Variants in SLC38A6 observed in about 807,000 individuals in gnomAD.
The protein encoded by SLC38A6 is solute carrier family 38 member 6, also known as N system amino acid transporter NAT-1.
Under a neutral mutation model 65.0 loss-of-function variants are expected in SLC38A6, and 73 were observed. That is an observed-to-expected ratio of 1.12 (90% CI 0.93 to 1.37). The LOEUF is 1.37. Among genes scored for constraint, SLC38A6 ranks in the 40% most tolerant of loss-of-function variants. The pLI is 0.00. For missense variants in SLC38A6, 561 were observed against 531.1 expected (o/e 1.06, Z -0.55); for synonymous variants, 183 against 178.8 (o/e 1.02, Z -0.19).
At chr14:61,047,245 G>A (rs2042208881) in intron 12 of SLC38A6, among the ~76,000 whole-genome samples, 1 of 152,244 alleles carries the variant, frequency 6.6e-6, no homozygotes, top group Middle Eastern at 3.4e-3. Flanking sequence ...CAATATCCAG[G>A]CTGGCTGAGA....
At chr14:61,019,399 A>C (rs959016293) in intron 4 of SLC38A6, 142 bp from the exon 5 acceptor site, 2 of 639,718 alleles carry the variant, frequency 3.1e-6, no homozygotes, top group Non-Finnish European at 5.2e-6. Flanking sequence ...ATGTATTTCA[A>C]ATGACTGGCA....
intron 2 of SLC38A6, among the ~76,000 whole-genome samples, chr14:60,983,586 G>T (rs147877195): frequency 1.3e-5 from 2 of 152,170 alleles, no homozygotes; most frequent in Non-Finnish European, 2.9e-5. Flanking sequence ...AGTAGAAGCA[G>T]ATCTATTTAC....
chr14:60,999,523 A>T (rs1185565295), intron 3 of SLC38A6, among the ~76,000 whole-genome samples: 1 of 152,268 alleles, frequency 6.6e-6, no homozygotes, highest in East Asian at 1.9e-4. Flanking sequence ...TCCCATAGGT[A>T]TTATACCCTA....
chr14:61,065,781 C>A (rs963294273), intron 15 of SLC38A6, among the ~76,000 whole-genome samples: 12 of 152,330 alleles, frequency 7.9e-5, no homozygotes, highest in African/African-American at 2.6e-4. Flanking sequence ...TTTGGAAGAT[C>A]TATCTTTAAG....
intron 3 of SLC38A6, among the ~76,000 whole-genome samples, chr14:60,991,689 A>C (rs2139714593): frequency 6.6e-6 from 1 of 152,298 alleles, no homozygotes; most frequent in Admixed American, 6.5e-5. Flanking sequence ...AGGCTTTGAC[A>C]AATCTTACCT....
At chr14:61,040,362 T>C (rs1323732419) in intron 8 of SLC38A6, among the ~76,000 whole-genome samples, 9 of 143,144 alleles carry the variant, frequency 6.3e-5, no homozygotes, top group Middle Eastern at 7.5e-3. Flanking sequence ...TTTTTTGAGA[T>C]GGAGTCTCAC....
At chr14:61,044,735 CA>C (rs2042030802) in intron 10 of SLC38A6, among the ~76,000 whole-genome samples, 3 of 152,012 alleles carry the variant, frequency 2.0e-5, no homozygotes, top group Admixed American at 2.0e-4. Flanking sequence ...ATAATAAAAA[CA>C]AAACAAAACC....
Position 61,044,162 on chromosome 14 carries a change from T to G in SLC38A6, c.744+659T>G, listed in dbSNP as rs1004191406. 4.6e-5 allele frequency among the ~76,000 whole-genome samples: 7 copies of G among 152,314 alleles called. No individual in the cohort carries two copies. In the East Asian group the frequency reaches 1.3e-3, roughly 29 times the overall value. ...AAAGTCTTCCCTGTTGCTGCAGGCT[T>G]ATTTGTCTATACTTTCTGACTCTGC... On this transcript the variant is annotated intron_variant, in intron 10 of 15. Coordinates refer to ENST00000267488, the MANE Select transcript of SLC38A6 (RefSeq NM_153811.3).
chr14:61,047,684 A>G (rs1388198398), intron 12 of SLC38A6, among the ~76,000 whole-genome samples: 1 of 152,092 alleles, frequency 6.6e-6, no homozygotes, highest in African/African-American at 2.4e-5. Flanking sequence ...TGTATAATCT[A>G]TCTATCTAAC....
At chr14:60,985,784 T>C (rs2037409020) in intron 3 of SLC38A6, among the ~76,000 whole-genome samples, 1 of 152,304 alleles carries the variant, frequency 6.6e-6, no homozygotes, top group South Asian at 2.1e-4. Flanking sequence ...GCCCTTCTTA[T>C]GAGGGGCTTT....
intron 16 of SLC38A6, among the ~76,000 whole-genome samples, chr14:61,080,708 C>T (rs2043610554): frequency 6.6e-6 from 1 of 152,306 alleles, no homozygotes; most frequent in South Asian, 2.1e-4. Flanking sequence ...CAGGCCCAGT[C>T]GGGTGGGTGT....
chr14:61,040,172 C>CT (rs912034648), intron 8 of SLC38A6, among the ~76,000 whole-genome samples: 14 of 147,986 alleles, frequency 9.5e-5, no homozygotes, highest in Admixed American at 2.0e-4. Context: ...AGTTAGACAA[C>CT]TTTTTTTTTT....
At chr14:61,052,689 C>T, downstream of SLC38A6, 1 of 274,464 alleles carries the variant, frequency 3.6e-6, no homozygotes, top group Admixed American at 5.6e-5. Flanking sequence ...TTTATGTTTG[C>T]AGAAATACTG....
intron 3 of SLC38A6, among the ~76,000 whole-genome samples, chr14:61,007,964 A>G (rs1005692083): frequency 1.3e-5 from 2 of 152,130 alleles, no homozygotes; most frequent in Non-Finnish European, 2.9e-5. Context: ...TGTGATTTGA[A>G]AAAAAAGAAT....
intron 6 of SLC38A6, among the ~76,000 whole-genome samples, chr14:61,031,835 C>CTAGA (rs2139674537): frequency 6.6e-6 from 1 of 151,784 alleles, no homozygotes; most frequent in East Asian, 1.9e-4. Flanking sequence ...ATAAAGAGGG[C>CTAGA]TAGACTAAGA....
chr14:61,027,657 A>G (rs1410145359), intron 5 of SLC38A6, among the ~76,000 whole-genome samples: 2 of 152,090 alleles, frequency 1.3e-5, no homozygotes, highest in Non-Finnish European at 2.9e-5. Context: ...GTATGAATTT[A>G]ATTAAGATAT....
intron 8 of SLC38A6, among the ~76,000 whole-genome samples, chr14:61,038,914 A>G (rs187364147): frequency 4.7e-4 from 72 of 152,324 alleles, no homozygotes; most frequent in Admixed American, 1.5e-3. Context: ...CCATATTGAA[A>G]AAGAAAAAAA....
chr14:61,037,010 GAACA>G (rs777270447), intron 6 of SLC38A6, 45 bp from the exon 7 acceptor site: 1 of 931,696 alleles, frequency 1.1e-6, no homozygotes, highest in Non-Finnish European at 1.7e-6. Flanking sequence ...GTGTGTGTCA[GAACA>G]AACACTGGAG....
At chr14:61,014,527 G>A (rs950204656) in intron 3 of SLC38A6, among the ~76,000 whole-genome samples, 1 of 152,046 alleles carries the variant, frequency 6.6e-6, no homozygotes, top group African/African-American at 2.4e-5. Flanking sequence ...ATCTACCTTT[G>A]GTCTTTGATG....
Sources: gnomAD v4.1 joint callset for allele counts (sites outside exome capture counted in the v4.1 genomes callset) on GRCh38, gnomAD v4.1.1 for gene constraint, MANE v1.5 for transcripts, NCBI Gene and HGNC (gene_info 2026-07-23, HGNC 2026-07-21) for gene names.